LPA: variants seen among roughly 807,000 people sequenced by gnomAD.
LPA encodes apolipoprotein(a).
In LPA, 199 loss-of-function variants were observed where a neutral mutation model predicts 197.9. The observed-to-expected ratio is 1.01, with a 90% CI of 0.90 to 1.13. The LOEUF (loss-of-function observed/expected upper bound fraction) is 1.13, where lower values mean the gene tolerates loss of function less well. LPA is among the 50% of genes most tolerant of loss of function. The pLI, the probability that LPA is intolerant of heterozygous loss-of-function variation, is 0.00. For missense variants in LPA, 1,853 were observed against 1,785.8 expected (o/e 1.04, Z -0.68); for synonymous variants, 715 against 639.5 (o/e 1.12, Z -1.78).
intron 28 of LPA, among the ~76,000 whole-genome samples, chr6:160,560,364 C>A (rs941093952): frequency 1.7e-4 from 26 of 152,212 alleles, no homozygotes; most frequent in African/African-American, 6.0e-4. Context: ...GGAATCACCG[C>A]ACTGTCTTCC....
intron 30 of LPA, among the ~76,000 whole-genome samples, chr6:160,555,687 T>C (rs557964572): frequency 4.6e-5 from 7 of 152,028 alleles, no homozygotes; most frequent in African/African-American, 1.7e-4. Flanking sequence ...GAGGTTAGAA[T>C]GATAGAATTG....
intron 16 of LPA, among the ~76,000 whole-genome samples, chr6:160,607,687 G>A (rs1277254235): frequency 6.9e-6 from 1 of 144,426 alleles, no homozygotes; most frequent in Non-Finnish European, 1.6e-5. Flanking sequence ...CCATGGGGAT[G>A]AAACACTGTC....
At chr6:160,544,505 G>A (rs188213870) in intron 33 of LPA, among the ~76,000 whole-genome samples, 12 of 152,206 alleles carry the variant, frequency 7.9e-5, no homozygotes, top group Middle Eastern at 3.4e-3. Context: ...CTCCCCAGGA[G>A]TGGCCCAAAT....
chr6:160,571,176 T>A (rs1007506899), intron 28 of LPA, among the ~76,000 whole-genome samples: 6 of 152,206 alleles, frequency 3.9e-5, no homozygotes, highest in African/African-American at 1.4e-4. Flanking sequence ...GATACTTGTG[T>A]ATGTGTCATG....
At chr6:160,662,813 G>A (rs1477878796) in intron 1 of LPA, among the ~76,000 whole-genome samples, 1 of 152,138 alleles carries the variant, frequency 6.6e-6, no homozygotes, top group Non-Finnish European at 1.5e-5. Flanking sequence ...GTAATTTATA[G>A]ATTAAATTGC....
At chr6:160,610,202 C>A (rs558709626) in intron 16 of LPA, among the ~76,000 whole-genome samples, 1 of 152,194 alleles carries the variant, frequency 6.6e-6, no homozygotes, top group Admixed American at 6.5e-5. Context: ...TTAGGACTCA[C>A]TCTGGGGATA....
chr6:160,584,913 T>C, intron 26 of LPA, 133 bp downstream of exon 26: 1 of 915,774 alleles, frequency 1.1e-6, no homozygotes, highest in South Asian at 1.3e-5. Context: ...AAAAGTAAGT[T>C]TCCTGAGACA....
intron 28 of LPA, among the ~76,000 whole-genome samples, chr6:160,569,540 C>A (rs896376325): frequency 2.6e-5 from 4 of 151,806 alleles, no homozygotes; most frequent in Non-Finnish European, 5.9e-5. Context: ...TAGAAGAAAA[C>A]CTAAGCAATA....
chr6:160,558,936 C>T (rs1370895685), intron 28 of LPA, among the ~76,000 whole-genome samples: 2 of 152,166 alleles, frequency 1.3e-5, no homozygotes, highest in Admixed American at 6.5e-5. Context: ...CAGCCTAGAC[C>T]CCCATTTGAG....
chr6:160,557,479 T>A lies in LPA; in HGVS notation c.4724A>T (p.Asn1575Ile). The stretch of plus-strand genomic sequence containing the variant: ...TTCTGTTTCTGAGCATTGTGTCAGA[T>A]TGCAGTACTCCCACCTCACACACGG... The part of the protein sequence containing the change: ...TDPCVRWEYC[N>I]LTQCSETESG... The change falls in exon 29 of 39, where the codon AAT becomes ATT. Residue 1575 changes from asparagine (N) to isoleucine (I), a missense_variant. Around this residue, in one of 3 missense-constraint regions of LPA, gnomAD observed 1,737 missense variants for 1,504.4 expected, o/e 1.15. Transcript: ENST00000316300. The A allele has an allele frequency of 3.1e-6, 5 of 1,614,088 alleles. No individual in the cohort carries two copies. The highest frequency in any genetic ancestry group is 4.2e-6 in the Non-Finnish European group (5 of 1,179,988).
At chr6:160,590,871 G>T in intron 23 of LPA, 73 bp downstream of exon 23, 2 of 1,589,390 alleles carry the variant, frequency 1.3e-6, no homozygotes, top group Admixed American at 3.4e-5. Context: ...GAAGGCTTCT[G>T]TATCACTAAG....
At chr6:160,591,773 T>C (rs9456551) in intron 22 of LPA, among the ~76,000 whole-genome samples, 61,572 of 152,062 alleles carry the variant, frequency 0.4, 13,220 homozygotes, top group African/African-American at 0.56. Flanking sequence ...TTCTGTTTCA[T>C]GGATTTACTC....
intron 26 of LPA, among the ~76,000 whole-genome samples, chr6:160,583,309 T>G (rs948469029): frequency 6.6e-6 from 1 of 152,226 alleles, no homozygotes; most frequent in African/African-American, 2.4e-5. Flanking sequence ...TGTTTACCTC[T>G]GAAGAGGTTG....
At chr6:160,596,286 A>G (rs1562337257) in intron 20 of LPA, among the ~76,000 whole-genome samples, 1 of 152,318 alleles carries the variant, frequency 6.6e-6, no homozygotes, top group East Asian at 1.9e-4. Flanking sequence ...TCAAAGAATC[A>G]ACTTTCTGTT....
intron 29 of LPA, among the ~76,000 whole-genome samples, 191 bp from the exon 30 acceptor site, chr6:160,556,375 T>G (rs571549800): frequency 2.0e-5 from 3 of 152,162 alleles, no homozygotes; most frequent in South Asian, 2.1e-4. Flanking sequence ...TCTTAGAAAT[T>G]TTATATTCAA....
Position 160,562,777 on chromosome 6 carries a change from C to A in LPA, c.4632-5206G>T, listed in dbSNP as rs147343255. On this transcript the variant is annotated intron_variant, in intron 28 of 38. Coordinates refer to ENST00000316300, the MANE Select transcript of LPA (RefSeq NM_005577.4). ...ATTGGTCTATTCAGGGATTTGACTT[C>A]TTCCTGGTTTAGTCTTGGGAGGGTG... is the stretch of plus-strand genomic sequence containing the variant. Among the ~76,000 whole-genome samples, 1,505 of 152,278 alleles carry A rather than the reference C, an allele frequency of 9.9e-3. 23 individuals carry two copies. The highest frequency in any genetic ancestry group is 0.034 in the African/African-American group (1,424 of 41,556).
chr6:160,594,195 A>G (rs962039579), intron 21 of LPA, 78 bp from the exon 22 acceptor site: 63 of 1,558,012 alleles, frequency 4.0e-5, no homozygotes, highest in Non-Finnish European at 5.3e-5. Context: ...TGACTGAAAC[A>G]GGATCATTGT....
rs113673715 is a variant in LPA, at chr6:160,649,923, G to A, written c.209+415C>T. Among the ~76,000 whole-genome samples the A allele has an allele frequency of 3.9e-3, 598 of 152,218 alleles. 1 individual carries two copies. Among genetic ancestry groups the A allele is most frequent in the Non-Finnish European group, 6.4e-3 (435 of 68,000 alleles). On this transcript the variant is annotated intron_variant, in intron 2 of 38. Coordinates refer to ENST00000316300, the MANE Select transcript of LPA (RefSeq NM_005577.4). ...CATAGATATAGAAAAAGATAGATTC[G>A]CCTTTCCATAGATATGCACATATCA...
intron 1 of LPA, among the ~76,000 whole-genome samples, chr6:160,660,936 T>TA (rs1780214996): frequency 6.6e-6 from 1 of 152,160 alleles, no homozygotes; most frequent in Non-Finnish European, 1.5e-5. Context: ...CTGGGACCAA[T>TA]ACTGCCCACG....
Sources: allele counts gnomAD v4.1 joint callset (sites outside exome capture counted in the v4.1 genomes callset), GRCh38; gene constraint gnomAD v4.1.1; regional missense constraint gnomAD v4.1.1; transcripts MANE v1.5; gene names NCBI Gene and HGNC (gene_info 2026-07-23, HGNC 2026-07-21).